The following CDKAL1 variants were observed in gnomAD, a reference collection of about 807,000 sequenced individuals.
CDKAL1 encodes threonylcarbamoyladenosine tRNA methylthiotransferase.
A neutral mutation model predicts 68.2 loss-of-function variants in CDKAL1; 32 were observed. The ratio of observed to expected loss-of-function variants is 0.47; its 90% CI spans 0.35 to 0.63. CDKAL1 has a LOEUF of 0.63. CDKAL1 is among the 30% of genes least tolerant of loss of function. CDKAL1 has a pLI of 0.00. For missense variants in CDKAL1, 606 were observed against 696.7 expected (o/e 0.87, Z 1.47); for synonymous variants, 234 against 244.3 (o/e 0.96, Z 0.39).
chr6:20,956,620 ACTG>A (rs1228484881), intron 10 of CDKAL1, among the ~76,000 whole-genome samples: 1 of 152,182 alleles, frequency 6.6e-6, no homozygotes, highest in Non-Finnish European at 1.5e-5. Context: ...AAAAGCAACC[ACTG>A]CTGCTGAAAT....
intron 4 of CDKAL1, among the ~76,000 whole-genome samples, chr6:20,550,612 C>T (rs9465803): frequency 0.039 from 6,001 of 152,116 alleles, 412 homozygotes; most frequent in African/African-American, 0.14. Context: ...TCGTTGCCAC[C>T]GTGAGGTGTC....
chr6:20,943,351 GAAA>G (rs780201608), intron 9 of CDKAL1, among the ~76,000 whole-genome samples: 21 of 108,918 alleles, frequency 1.9e-4, no homozygotes, highest in Middle Eastern at 4.2e-3. Context: ...AAAAGAAAAA[GAAA>G]AAAAGAAAAA....
intron 11 of CDKAL1, among the ~76,000 whole-genome samples, chr6:21,049,770 G>T (rs1010543101): frequency 1.3e-5 from 2 of 151,380 alleles, no homozygotes; most frequent in African/African-American, 2.4e-5. Flanking sequence ...AAATGTAATG[G>T]ATGACACTAA....
chr6:21,131,176 G>T (rs1212147699), intron 13 of CDKAL1, among the ~76,000 whole-genome samples: 1 of 152,200 alleles, frequency 6.6e-6, no homozygotes, highest in Non-Finnish European at 1.5e-5. Flanking sequence ...AAAGGAGTAA[G>T]TGCTACTTTT....
chr6:20,986,490 A>C (rs1766460040), intron 10 of CDKAL1, among the ~76,000 whole-genome samples: 1 of 151,928 alleles, frequency 6.6e-6, no homozygotes, highest in Admixed American at 6.6e-5. Flanking sequence ...CAATGGAGAT[A>C]TTTTTTCATT....
intron 7 of CDKAL1, among the ~76,000 whole-genome samples, 177 bp downstream of exon 7, chr6:20,758,820 C>T (rs1408225411): frequency 2.0e-5 from 3 of 152,138 alleles, no homozygotes; most frequent in Admixed American, 6.6e-5. Context: ...GGCAGGCACT[C>T]GCTGTATATT....
intron 5 of CDKAL1, among the ~76,000 whole-genome samples, chr6:20,696,843 A>C (rs1356350263): frequency 1.3e-5 from 2 of 152,090 alleles, no homozygotes; most frequent in Non-Finnish European, 2.9e-5. Flanking sequence ...CTTGATGCAA[A>C]CAGTATGTGT....
intron 13 of CDKAL1, among the ~76,000 whole-genome samples, chr6:21,184,823 ATTTT>A (rs34599800): frequency 9.8e-6 from 1 of 101,648 alleles, no homozygotes; most frequent in Admixed American, 1.1e-4. Context: ...CGTGCAGCTA[ATTTT>A]TTTTTTTTTT....
chr6:20,894,451 C>T (rs1215908706), intron 9 of CDKAL1, among the ~76,000 whole-genome samples: 2 of 144,458 alleles, frequency 1.4e-5, no homozygotes, highest in African/African-American at 2.5e-5. Context: ...TTTATGTGGC[C>T]TCAGGGAGAA....
At chr6:20,867,345 T>C (rs2150533903) in intron 9 of CDKAL1, among the ~76,000 whole-genome samples, 1 of 152,340 alleles carries the variant, frequency 6.6e-6, no homozygotes, top group Middle Eastern at 3.4e-3. Context: ...ATCTACTGTG[T>C]TAATATTTGA....
intron 6 of CDKAL1, among the ~76,000 whole-genome samples, chr6:20,750,949 G>C (rs1286527402): frequency 1.5e-5 from 1 of 64,830 alleles, no homozygotes; most frequent in Non-Finnish European, 2.5e-5. Flanking sequence ...GAGCAACAGA[G>C]TGAAAAAAAA....
chr6:21,058,983 C>T (rs1055109899), intron 11 of CDKAL1, among the ~76,000 whole-genome samples: 30 of 152,280 alleles, frequency 2.0e-4, no homozygotes, highest in African/African-American at 7.0e-4. Flanking sequence ...ATCTGGAGTG[C>T]CCAGCCTCTA....
At chr6:21,219,832 G>A (rs575040257) in intron 15 of CDKAL1, among the ~76,000 whole-genome samples, 1 of 152,212 alleles carries the variant, frequency 6.6e-6, no homozygotes, top group South Asian at 2.1e-4. Context: ...AAACCCTTAG[G>A]AACAATTATT....
intron 9 of CDKAL1, among the ~76,000 whole-genome samples, chr6:20,896,084 TTTTC>T (rs1396687023): frequency 7.8e-6 from 1 of 128,674 alleles, no homozygotes; most frequent in African/African-American, 2.8e-5. Flanking sequence ...TTTTTCTTTT[TTTTC>T]TTTTCTTTTC....
intron 4 of CDKAL1, among the ~76,000 whole-genome samples, chr6:20,609,397 TC>T (rs751865615): frequency 0.18 from 19,303 of 105,366 alleles, 3,354 homozygotes; most frequent in African/African-American, 0.44. Context: ...TTCTTCTTCT[TC>T]TTCTTTTTTT....
chr6:20,713,835 A>C (rs745509938), intron 5 of CDKAL1, among the ~76,000 whole-genome samples: 5 of 152,166 alleles, frequency 3.3e-5, no homozygotes, highest in Non-Finnish European at 5.9e-5. Flanking sequence ...ATAAATGTGT[A>C]TGAAAAATTA....
chr6:20,825,908 A>G (rs746250654), intron 8 of CDKAL1, among the ~76,000 whole-genome samples: 20 of 152,058 alleles, frequency 1.3e-4, no homozygotes, highest in Non-Finnish European at 8.8e-5. Context: ...TCTCCTCTCC[A>G]TTCTATTTCT....
intron 4 of CDKAL1, among the ~76,000 whole-genome samples, chr6:20,604,772 A>G (rs914190051): frequency 1.3e-5 from 2 of 152,238 alleles, no homozygotes; most frequent in African/African-American, 2.4e-5. Flanking sequence ...AAGATGTAGT[A>G]TACAATTTGA....
intron 11 of CDKAL1, among the ~76,000 whole-genome samples, chr6:21,029,081 C>A (rs1390624847): frequency 6.6e-6 from 1 of 152,154 alleles, no homozygotes; most frequent in South Asian, 2.1e-4. Flanking sequence ...GAGTCTCACT[C>A]TGTTTCCCAG....
Sources: allele counts gnomAD v4.1 joint callset (sites outside exome capture counted in the v4.1 genomes callset), GRCh38; gene constraint gnomAD v4.1.1; transcripts MANE v1.5; gene names NCBI Gene and HGNC (gene_info 2026-07-23, HGNC 2026-07-21).